STK36: variants seen among roughly 807,000 people sequenced by gnomAD.
The protein encoded by STK36 is serine/threonine-protein kinase 36.
In STK36, 116 loss-of-function variants were observed where a neutral mutation model predicts 142.2. That is an observed-to-expected ratio of 0.82 (90% CI 0.70 to 0.95). The LOEUF is 0.95. Among genes scored for constraint, STK36 ranks in the 40% least tolerant of loss-of-function variants. STK36 has a pLI of 0.00. For missense variants in STK36, 1,422 were observed against 1,617.2 expected (o/e 0.88, Z 2.07); for synonymous variants, 619 against 641.7 (o/e 0.96, Z 0.53).
In STK36 at chr2:218,689,923, C is replaced by T. The variant is rs764510635; in HGVS notation, c.1625C>T (p.Thr542Ile). Reference protein sequence around the residue: ...MAVIQAYFACTFNLERSQTSD... With the variant: ...MAVIQAYFACIFNLERSQTSD... The stretch of plus-strand genomic sequence containing the variant: ...GTGATTCAGGCCTACTTTGCCTGTA[C>T]CTTCAATCTGGAGAGGAGCCAGACA... Residue 542 changes from threonine (T) to isoleucine (I), a missense_variant, in exon 13 of 27, where the codon ACC becomes ATC. Physicochemically the swap from Thr to Ile is moderately conservative, Grantham distance 89. Around this residue, in one of 2 missense-constraint regions of STK36, gnomAD observed 962 missense variants for 1,167.5 expected, o/e 0.82. Coordinates refer to ENST00000295709, the MANE Select transcript of STK36 (RefSeq NM_015690.5). 6 of 1,602,686 alleles carry T rather than the reference C, an allele frequency of 3.7e-6. No homozygotes were observed. The South Asian group carries it at 6.8e-5, about 18-fold the overall frequency.
At chr2:218,677,283 C>T (rs1443750570) in intron 6 of STK36, among the ~76,000 whole-genome samples, 2 of 152,196 alleles carry the variant, frequency 1.3e-5, no homozygotes, top group African/African-American at 4.8e-5. Context: ...CATTCACTAT[C>T]ATGAGAACAG....
chr2:218,692,515 A>G (rs1450142489), intron 15 of STK36, 68 bp from the exon 16 acceptor site: 8 of 1,541,532 alleles, frequency 5.2e-6, no homozygotes, highest in Non-Finnish European at 7.0e-6. Context: ...CATGTCGGTG[A>G]GTACTGGTGC....
intron 7 of STK36, 137 bp downstream of exon 7, chr2:218,679,398 C>A (rs758725749): frequency 1.6e-6 from 2 of 1,262,674 alleles, no homozygotes; most frequent in East Asian, 2.3e-5. Context: ...TAGCCCTTCA[C>A]TTAACCTTTG....
chr2:218,695,527 CTT>C (rs964956273), intron 21 of STK36, among the ~76,000 whole-genome samples: 147 of 73,028 alleles, frequency 2.0e-3, no homozygotes, highest in African/African-American at 0.01. Flanking sequence ...CATGTCCAGT[CTT>C]TTTTTTTTTT....
chr2:218,674,077 G>C, intron 4 of STK36, 121 bp downstream of exon 4: 1 of 916,616 alleles, frequency 1.1e-6, no homozygotes, highest in Non-Finnish European at 1.6e-6. Context: ...GAATATAAGA[G>C]TCTAGGTATA....
In STK36 at chr2:218,693,988, G is replaced by A. The variant is rs1197996752; in HGVS notation, c.2336+5G>A. 1 of 1,614,044 alleles carries A rather than the reference G, an allele frequency of 6.2e-7. No individual in the cohort carries two copies. The highest frequency in any genetic ancestry group is 8.5e-7 in the Non-Finnish European group (1 of 1,179,988). On this transcript the variant is annotated splice_donor_5th_base_variant and intron_variant, in intron 19 of 26. Transcript: ENST00000295709. ...GCTCCAAAACCTGCCTTGTGGGTAA[G>A]TCATAAAGTAGGGTGTCTCCACAGA...
chr2:218,684,246 G>C (rs1940674139), intron 10 of STK36, among the ~76,000 whole-genome samples: 1 of 150,906 alleles, frequency 6.6e-6, no homozygotes, highest in African/African-American at 2.4e-5. Flanking sequence ...CGAGTAGCTG[G>C]GATTACAGGC....
intron 25 of STK36, 119 bp downstream of exon 25, chr2:218,698,120 T>G: frequency 7.1e-7 from 1 of 1,412,620 alleles, no homozygotes. Flanking sequence ...ACAGCTGGCT[T>G]GACTCAAAAG....
rs185745664 is a variant in STK36, at chr2:218,690,450, C to T, written c.1659C>T (p.Ser553=). Residue 553 remains serine, a splice_region_variant and synonymous_variant, in exon 14 of 27, where the codon AGC becomes AGT. Coordinates refer to ENST00000295709, the MANE Select transcript of STK36 (RefSeq NM_015690.5). The part of the protein sequence containing the change: ...FNLERSQTSD[S]LQVFQEAANL... The stretch of plus-strand genomic sequence containing the variant: ...TCATGGGCTCATTTTCCACCCCCAG[C>T]CTGCAGGTGTTTCAGGAGGCTGCCA... 1 of 1,613,864 alleles carries T rather than the reference C, an allele frequency of 6.2e-7. No individual in the cohort carries two copies. The highest frequency in any genetic ancestry group is 8.5e-7 in the Non-Finnish European group (1 of 1,179,788).
intron 11 of STK36, among the ~76,000 whole-genome samples, chr2:218,687,401 G>C (rs1378898416): frequency 1.3e-5 from 2 of 152,180 alleles, no homozygotes; most frequent in African/African-American, 2.4e-5. Flanking sequence ...GTAGGTTTCT[G>C]ATCCATCTTG....
chr2:218,682,564 A>T (rs1940574861), intron 10 of STK36, among the ~76,000 whole-genome samples: 1 of 152,124 alleles, frequency 6.6e-6, no homozygotes, highest in African/African-American at 2.4e-5. Context: ...CTGCTCCATG[A>T]TCCAATCCAG....
intron 26 of STK36, among the ~76,000 whole-genome samples, chr2:218,700,342 A>G (rs1941397990): frequency 6.6e-6 from 1 of 152,068 alleles, no homozygotes; most frequent in African/African-American, 2.4e-5. Context: ...AGCCGGGACT[A>G]TAGGTGCCTG....
chr2:218,676,068 A>G lies in STK36; in HGVS notation c.474A>G (p.Thr158=), dbSNP rs771664562. 6 of 1,613,982 alleles carry G rather than the reference A, an allele frequency of 3.7e-6. No individual in the cohort carries two copies. The highest frequency in any genetic ancestry group is 5.1e-6 in the Non-Finnish European group (6 of 1,180,028). ...RAMSTNTMVL[T]SIKGTPLYMS... Reference sequence around the variant, plus strand: ...TGAGCACCAATACAATGGTGCTGACATCCATCAAAGGCACACCACTCTATA... The same window carrying G: ...TGAGCACCAATACAATGGTGCTGACGTCCATCAAAGGCACACCACTCTATA... Residue 158 remains threonine, a synonymous_variant, in exon 6 of 27, where the codon ACA becomes ACG. Coordinates refer to ENST00000295709, the MANE Select transcript of STK36 (RefSeq NM_015690.5).
chr2:218,685,272 C>A (rs1214103146), intron 11 of STK36, 44 bp downstream of exon 11: 1 of 1,608,214 alleles, frequency 6.2e-7, no homozygotes, highest in East Asian at 2.2e-5. Flanking sequence ...AGACTGTTTT[C>A]ACAGATGGAG....
At position 218,685,889 on chromosome 2, in the gene STK36, A is replaced by G. The variant is rs755986696; in HGVS notation, c.1380+661A>G. Among the ~76,000 whole-genome samples, 15 of 152,128 alleles carry G rather than the reference A, an allele frequency of 9.9e-5. 1 individual carries two copies. The highest frequency in any genetic ancestry group is 2.1e-4 in the Non-Finnish European group (14 of 68,034). ...TGCTAATTTAAAAACTGTTAACCAT[A>G]GTTCAGTTTTAGAACATTTTCATCA... On this transcript the variant is annotated intron_variant, in intron 11 of 26. Coordinates refer to ENST00000295709, the MANE Select transcript of STK36 (RefSeq NM_015690.5).
rs957143287 is a variant in STK36 at position 218,689,756 on chromosome 2, T to G, written c.1561-103T>G. 143 of 1,011,776 alleles carry G rather than the reference T, an allele frequency of 1.4e-4. No homozygotes were observed. The Middle Eastern group carries it at 1.7e-3, about 12-fold the overall frequency. 62.7% of individuals were successfully genotyped at this position (1,011,776 alleles called of 1,614,324 possible). A position where few individuals can be genotyped will look rare whatever the true frequency, so the allele number is the denominator to read the frequency against. On this transcript the variant is annotated intron_variant, in intron 12 of 26. Coordinates refer to ENST00000295709, the MANE Select transcript of STK36 (RefSeq NM_015690.5). ...TACTTCTCTTCTGTCCCTTTCTGTT[T>G]GATCAACTTGACTGGGTCTCTATAC...
Position 218,702,306 on chromosome 2 carries a change from C to T in STK36, c.*297C>T, listed in dbSNP as rs935038901. 6 of 238,700 alleles carry T rather than the reference C, an allele frequency of 2.5e-5. No individual in the cohort carries two copies. The highest frequency in any genetic ancestry group is 6.8e-5 in the African/African-American group (3 of 44,242). 14.8% of individuals were successfully genotyped at this position (238,700 alleles called of 1,614,324 possible). A position where few individuals can be genotyped will look rare whatever the true frequency, so the allele number is the denominator to read the frequency against. ...CCTTTAACTCTAGGGACCTGCCTCACGGACCTTAGGGAAAAACCTCAACCT... is the reference window on the plus strand; with the variant it reads ...CCTTTAACTCTAGGGACCTGCCTCATGGACCTTAGGGAAAAACCTCAACCT... On this transcript the variant is annotated 3_prime_UTR_variant, in exon 27 of 27. Coordinates refer to ENST00000295709, the MANE Select transcript of STK36 (RefSeq NM_015690.5).
rs996759423 is a variant in STK36, at chr2:218,694,349, T to A, written c.2400+22T>A. 23 of 1,609,000 alleles carry A rather than the reference T, an allele frequency of 1.4e-5. No homozygotes were observed. Among genetic ancestry groups the A allele is most frequent in the Non-Finnish European group, 2.0e-5 (23 of 1,175,382 alleles). ...TGTGGTAAGTTTTTAACCTTCACCC[T>A]CCTCCCCTTTTCACCCTAGCATCTA... On this transcript the variant is annotated intron_variant, in intron 20 of 26. Coordinates refer to ENST00000295709, the MANE Select transcript of STK36 (RefSeq NM_015690.5). This position sits in a 1 kb window ranked among gnomAD's most constrained non-coding sequence, Gnocchi z 4.4.
At chr2:218,696,724 T>C (rs549996197) in intron 22 of STK36, 123 bp downstream of exon 22, 1 of 1,116,058 alleles carries the variant, frequency 9.0e-7, no homozygotes, top group African/African-American at 1.5e-5. Flanking sequence ...ACTGTGCCTG[T>C]GATAGCCTTG....
Sources: allele counts gnomAD v4.1 joint callset (sites outside exome capture counted in the v4.1 genomes callset), GRCh38; gene constraint gnomAD v4.1.1; regional missense constraint gnomAD v4.1.1; non-coding constraint Gnocchi (gnomAD v3.1); transcripts MANE v1.5; gene names NCBI Gene and HGNC (gene_info 2026-07-23, HGNC 2026-07-21).